CBLB: variants seen among roughly 807,000 people sequenced by gnomAD.
CBLB encodes E3 ubiquitin-protein ligase CBL-B.
Under a neutral mutation model 104.9 loss-of-function variants are expected in CBLB, and 31 were observed. That is an observed-to-expected ratio of 0.30 (90% CI 0.22 to 0.40). CBLB has a LOEUF of 0.40. Among genes scored for constraint, CBLB ranks in the 10% least tolerant of loss-of-function variants. CBLB has a pLI of 1.00. For missense variants in CBLB, 1,062 were observed against 1,214.6 expected, an observed-to-expected ratio of 0.87 and a Z score of 1.87; for synonymous variants, 440 against 422.6, an observed-to-expected ratio of 1.04 and a Z score of -0.51.
intron 10 of CBLB, among the ~76,000 whole-genome samples, chr3:105,717,711 T>C (rs978250289): frequency 9.2e-5 from 14 of 152,204 alleles, no homozygotes; most frequent in African/African-American, 3.4e-4. Flanking sequence ...TTCAAACTTA[T>C]GTCTTCTGGG....
chr3:105,698,361 C>T (rs1251658064), intron 12 of CBLB, among the ~76,000 whole-genome samples: 3 of 151,938 alleles, frequency 2.0e-5, no homozygotes, highest in Non-Finnish European at 4.4e-5. Context: ...GCAAATGGTT[C>T]TTCTGGATGA....
chr3:105,666,055 A>C (rs1000062289), intron 18 of CBLB, among the ~76,000 whole-genome samples: 1 of 151,960 alleles, frequency 6.6e-6, no homozygotes, highest in Non-Finnish European at 1.5e-5. Flanking sequence ...ATCTGTCTCT[A>C]AAATACTTAG....
chr3:105,833,091 TGAGG>T (rs2087822558), intron 3 of CBLB, among the ~76,000 whole-genome samples: 1 of 152,138 alleles, frequency 6.6e-6, no homozygotes, highest in South Asian at 2.1e-4. Flanking sequence ...AAGGAAGACC[TGAGG>T]GAGAGTGTCG....
chr3:105,732,549 G>A lies in CBLB; in HGVS notation c.1203+1460C>T, dbSNP rs559521550. On this transcript the variant is annotated intron_variant, in intron 9 of 18. Transcript: ENST00000394030. ...CGTTACTGAGGTAGCAAAGATCTCT[G>A]GGCATTCAGAAAGGACTTTGAAAAT... Among the ~76,000 whole-genome samples, 144 of 152,128 alleles carry A rather than the reference G, an allele frequency of 9.5e-4. 1 individual carries two copies. Among genetic ancestry groups the A allele is most frequent in the African/African-American group, 3.4e-3 (143 of 41,484 alleles).
chr3:105,805,279 C>G (rs1014879261), intron 3 of CBLB, among the ~76,000 whole-genome samples: 22 of 151,822 alleles, frequency 1.4e-4, no homozygotes, highest in African/African-American at 5.1e-4. Flanking sequence ...TATTACATCT[C>G]TCCTCAAAAC....
intron 3 of CBLB, among the ~76,000 whole-genome samples, chr3:105,836,682 T>C (rs1197108082): frequency 6.6e-6 from 1 of 152,106 alleles, no homozygotes; most frequent in Non-Finnish European, 1.5e-5. Flanking sequence ...AAAGCTGAGA[T>C]TACTGACATC....
In CBLB at chr3:105,782,860, A is replaced by G. The variant is rs577947345; in HGVS notation, c.420-6318T>C. On this transcript the variant is annotated intron_variant, in intron 3 of 18. Transcript: ENST00000394030. ...GTGCTGGGATTACAGGCGTGAGCCA[A>G]CTGAGCCCGGCCTGTGGTATTCTTT... is the stretch of plus-strand genomic sequence containing the variant. 1.2e-4 allele frequency among the ~76,000 whole-genome samples: 19 copies of G among 152,214 alleles called. 1 individual carries two copies. Among genetic ancestry groups the G allele is most frequent in the African/African-American group, 2.2e-4 (9 of 41,552 alleles).
At chr3:105,857,246 C>A (rs568128339) in intron 2 of CBLB, among the ~76,000 whole-genome samples, 1 of 152,158 alleles carries the variant, frequency 6.6e-6, no homozygotes, top group Non-Finnish European at 1.5e-5. Context: ...TTTATCTGAA[C>A]TTTTTTCTCA....
chr3:105,843,161 C>T (rs971753735), intron 3 of CBLB, among the ~76,000 whole-genome samples: 2 of 152,210 alleles, frequency 1.3e-5, no homozygotes, highest in Admixed American at 6.5e-5. Flanking sequence ...TACTATCTGG[C>T]TCTGTACAGT....
intron 3 of CBLB, among the ~76,000 whole-genome samples, chr3:105,830,392 C>A (rs1333534658): frequency 6.6e-6 from 1 of 152,184 alleles, no homozygotes; most frequent in African/African-American, 2.4e-5. Flanking sequence ...TTTCCCCTGA[C>A]TCAGCACTAT....
At chr3:105,771,609 T>A (rs1232063279) in intron 4 of CBLB, among the ~76,000 whole-genome samples, 2 of 152,122 alleles carry the variant, frequency 1.3e-5, no homozygotes, top group Admixed American at 6.5e-5. Context: ...CATTCACTGA[T>A]GATATGATCA....
chr3:105,655,496 G>C lies in CBLB; in HGVS notation c.*3474C>G. ...GTTCATTTTATAAAATACTTTAAAA[G>C]AACAGATAAAGTACTTGAGGTTACA... On this transcript the variant is annotated 3_prime_UTR_variant, in exon 19 of 19. Transcript: ENST00000394030. 1 of 174,012 alleles carries C rather than the reference G, an allele frequency of 5.7e-6. No individual in the cohort carries two copies. Among genetic ancestry groups the C allele is most frequent in the Admixed American group, 6.4e-5 (1 of 15,742 alleles). The allele number at this position is 174,012 out of a possible 1,614,324, so 10.8% of individuals were successfully genotyped here.
intron 13 of CBLB, among the ~76,000 whole-genome samples, 173 bp from the exon 14 acceptor site, chr3:105,685,639 A>G (rs2066914061): frequency 1.3e-5 from 2 of 152,224 alleles, no homozygotes; most frequent in South Asian, 4.1e-4. Context: ...AACAATTTTC[A>G]ATCTTTTGTT....
At position 105,658,294 on chromosome 3, in the gene CBLB, C is replaced by G. The variant is rs533426058; in HGVS notation, c.*676G>C. ...TTATGTGAAAACCCCTTACAAAAGGCAGTTTATTGACAAATAAATGCTTTA... is the reference window on the plus strand; with the variant it reads ...TTATGTGAAAACCCCTTACAAAAGGGAGTTTATTGACAAATAAATGCTTTA... On this transcript the variant is annotated 3_prime_UTR_variant, in exon 19 of 19. Coordinates refer to ENST00000394030, the MANE Select transcript of CBLB (RefSeq NM_170662.5). 71 of 220,674 alleles carry G rather than the reference C, an allele frequency of 3.2e-4. No homozygotes were observed. Among genetic ancestry groups the G allele is most frequent in the Admixed American group, 1.2e-3 (20 of 17,332 alleles). 13.7% of individuals were successfully genotyped at this position (220,674 alleles called of 1,614,324 possible).
chr3:105,685,564 T>G, intron 13 of CBLB, 98 bp from the exon 14 acceptor site: 1 of 934,720 alleles, frequency 1.1e-6, no homozygotes, highest in Non-Finnish European at 1.7e-6. Flanking sequence ...ACTTTATCAC[T>G]TATGTTCATT....
chr3:105,721,505 G>C (rs1203179364), intron 9 of CBLB, among the ~76,000 whole-genome samples: 1 of 152,098 alleles, frequency 6.6e-6, no homozygotes, highest in Non-Finnish European at 1.5e-5. Flanking sequence ...AAAAAACACT[G>C]AGCTTGCTTA....
intron 11 of CBLB, among the ~76,000 whole-genome samples, chr3:105,703,369 TA>T (rs2069553172): frequency 6.6e-6 from 1 of 152,194 alleles, no homozygotes; most frequent in African/African-American, 2.4e-5. Flanking sequence ...CAAATAAAAT[TA>T]ATTTTTAAAA....
chr3:105,743,432 C>G (rs1200070126), intron 6 of CBLB, among the ~76,000 whole-genome samples: 1 of 146,026 alleles, frequency 6.8e-6, no homozygotes, highest in Admixed American at 7.0e-5. Flanking sequence ...TGCACTCCTG[C>G]TGGGTGAACA....
At chr3:105,740,346 A>C in intron 7 of CBLB, 148 bp downstream of exon 7, 1 of 768,062 alleles carries the variant, frequency 1.3e-6, no homozygotes, top group South Asian at 1.6e-5. Context: ...ATTATATAAA[A>C]AGATGAACAA....
Sources: allele counts gnomAD v4.1 joint callset (sites outside exome capture counted in the v4.1 genomes callset), GRCh38; gene constraint gnomAD v4.1.1; transcripts MANE v1.5; gene names NCBI Gene and HGNC (gene_info 2026-07-23, HGNC 2026-07-21).